The following GRHPR variants were observed in gnomAD, a reference collection of about 807,000 sequenced individuals.
GRHPR encodes glyoxylate reductase/hydroxypyruvate reductase.
GRHPR carries 35 observed loss-of-function variants against 36.8 expected under a neutral mutation model. The observed-to-expected ratio is 0.95, with a 90% confidence interval of 0.73 to 1.26. The LOEUF (loss-of-function observed/expected upper bound fraction) is 1.26, where lower values mean the gene tolerates loss of function less well. Ranked by LOEUF, GRHPR falls within the 50% of genes most tolerant of loss-of-function variation. The pLI, the probability that GRHPR is intolerant of heterozygous loss-of-function variation, is 0.00. For synonymous variants in GRHPR, 179 were observed against 181.0 expected, an observed-to-expected ratio of 0.99 and a Z score of 0.09; for missense variants, 380 against 435.0, an observed-to-expected ratio of 0.87 and a Z score of 1.12.
chr9:37,422,560 A>G (rs1052514752), upstream of GRHPR: 19 of 632,072 alleles, frequency 3.0e-5, no homozygotes, highest in African/African-American at 3.1e-4. Flanking sequence ...GGTCACTGTT[A>G]CTGTCACTCC....
In GRHPR at chr9:37,424,942, G is replaced by T; in HGVS notation, c.181G>T (p.Asp61Tyr). 1 of 1,611,486 alleles carries T rather than the reference G, an allele frequency of 6.2e-7. No homozygotes were observed. Among genetic ancestry groups the T allele is most frequent in the South Asian group, 1.1e-5 (1 of 90,992 alleles). Reference protein sequence around the residue: ...GAHGLLCLLSDHVDKRILDAA... With the variant: ...GAHGLLCLLSYHVDKRILDAA... Reference sequence around the variant, plus strand: ...CCACGGCCTGCTCTGCCTCCTCTCCGACCACGTGGACAAGAGGATCCTGGA... The same window carrying T: ...CCACGGCCTGCTCTGCCTCCTCTCCTACCACGTGGACAAGAGGATCCTGGA... Residue 61 changes from aspartate to tyrosine, a missense_variant, in exon 2 of 9, where the codon GAC (aspartate) becomes TAC (tyrosine). Transcript: ENST00000318158.
At chr9:37,431,884 G>C in intron 7 of GRHPR, 124 bp from the exon 8 acceptor site, 1 of 974,576 alleles carries the variant, frequency 1.0e-6, no homozygotes, top group South Asian at 1.4e-5. Flanking sequence ...GTATACCTAA[G>C]ACTTACTGCT....
At chr9:37,430,450 C>T (rs1459873612) in intron 6 of GRHPR, 61 bp from the exon 7 acceptor site, 4 of 1,485,830 alleles carry the variant, frequency 2.7e-6, no homozygotes, top group Non-Finnish European at 3.8e-6. Context: ...GGCTGGTCTC[C>T]CGCCATCTGG....
intron 8 of GRHPR, chr9:37,434,119 G>A (rs1174998981): frequency 2.5e-6 from 1 of 398,580 alleles, no homozygotes; most frequent in Non-Finnish European, 4.4e-6. Flanking sequence ...GGCAGTCAGG[G>A]CATGAAGCTG....
At chr9:37,429,192 G>T (rs55719746) in intron 5 of GRHPR, 197 of 252,468 alleles carry the variant, frequency 7.8e-4, no homozygotes, top group Admixed American at 1.5e-3. Context: ...CTAGAGAGTT[G>T]CTTGGAGGAA....
chr9:37,434,519 C>A, intron 8 of GRHPR: 1 of 429,056 alleles, frequency 2.3e-6, no homozygotes, highest in Non-Finnish European at 4.3e-6. Flanking sequence ...GAAAAGCCCG[C>A]AGAACATGTA....
At chr9:37,430,674 G>T in intron 7 of GRHPR, 28 bp downstream of exon 7, 2 of 1,608,084 alleles carry the variant, frequency 1.2e-6, no homozygotes, top group South Asian at 1.1e-5. Flanking sequence ...TACCCAGCAA[G>T]CCTGGAGAGG....
intron 7 of GRHPR, 78 bp downstream of exon 7, chr9:37,430,724 G>A (rs571317718): frequency 4.4e-5 from 61 of 1,400,886 alleles, no homozygotes; most frequent in Middle Eastern, 1.8e-4. Flanking sequence ...TTTCTTCCCC[G>A]TGGGTTGTTG....
In GRHPR at chr9:37,424,828, C is replaced by G; in HGVS notation, c.84-17C>G. 6.2e-7 allele frequency: 1 copy of G among 1,611,806 alleles called. No homozygotes were observed. Among genetic ancestry groups the G allele is most frequent in the Non-Finnish European group, 8.5e-7 (1 of 1,179,540 alleles). On this transcript the variant is annotated splice_polypyrimidine_tract_variant and intron_variant, in intron 1 of 8. Coordinates refer to ENST00000318158, the MANE Select transcript of GRHPR (RefSeq NM_012203.2). ...GTGCGGCTCCTGCTTCTCCTGAGGG[C>G]CTCCCTTTCCCCGCAGCTGTGAGGT... is the stretch of plus-strand genomic sequence containing the variant.
At chr9:37,429,489 GCCAGTCACAGC>G (rs1340111598) in intron 5 of GRHPR, 3 of 568,584 alleles carry the variant, frequency 5.3e-6, no homozygotes, top group Non-Finnish European at 9.6e-6. Flanking sequence ...GACAGCATCA[GCCAGTCACAGC>G]CTCAGGGGAG....
In GRHPR at chr9:37,424,841, G is replaced by C; in HGVS notation, c.84-4G>C. 6.2e-7 allele frequency: 1 copy of C among 1,612,918 alleles called. No individual in the cohort carries two copies. Among genetic ancestry groups the C allele is most frequent in the Non-Finnish European group, 8.5e-7 (1 of 1,179,820 alleles). On this transcript the variant is annotated splice_polypyrimidine_tract_variant and splice_region_variant and intron_variant, in intron 1 of 8. Transcript: ENST00000318158. ...TTCTCCTGAGGGCCTCCCTTTCCCCGCAGCTGTGAGGTGGAGCAGTGGGAC... is the reference window on the plus strand; with the variant it reads ...TTCTCCTGAGGGCCTCCCTTTCCCCCCAGCTGTGAGGTGGAGCAGTGGGAC...
chr9:37,437,183 G>A (rs746005151), downstream of GRHPR, among the ~76,000 whole-genome samples: 63 of 151,998 alleles, frequency 4.1e-4, no homozygotes, highest in Admixed American at 6.5e-4. Context: ...GCAAGATACC[G>A]TTTCCTGCAG....
At chr9:37,431,414 C>G in intron 7 of GRHPR, 1 of 279,610 alleles carries the variant, frequency 3.6e-6, no homozygotes, top group South Asian at 3.6e-5. Context: ...GTACCCAGGA[C>G]AGCCCAGGAC....
At position 37,424,991 on chromosome 9, in the gene GRHPR, G is replaced by A. The variant is rs1823013708; in HGVS notation, c.214+16G>A. ...GATGCTGCAGGTGCACACTGGGTGG[G>A]CAGGGGACTTGAGGGTGGCTTGGCC... On this transcript the variant is annotated intron_variant, in intron 2 of 8. Transcript: ENST00000318158. The A allele has an allele frequency of 4.3e-6, 7 of 1,610,422 alleles. No individual in the cohort carries two copies. The highest frequency in any genetic ancestry group is 5.9e-6 in the Non-Finnish European group (7 of 1,179,224).
chr9:37,425,340 GCCC>G (rs1456220279), intron 2 of GRHPR, among the ~76,000 whole-genome samples: 1 of 152,248 alleles, frequency 6.6e-6, no homozygotes, highest in African/African-American at 2.4e-5. Flanking sequence ...TCAGTGCCAA[GCCC>G]CAGCAGGATG....
chr9:37,437,279 C>CAAAG (rs912004999), downstream of GRHPR, among the ~76,000 whole-genome samples: 179 of 152,264 alleles, frequency 1.2e-3, 2 homozygotes, highest in South Asian at 2.1e-4. Context: ...TTTAAAAATA[C>CAAAG]AAAGAGCATG....
chr9:37,438,488 C>G (rs1205082486), downstream of GRHPR: 2 of 152,398 alleles, frequency 1.3e-5, no homozygotes, highest in African/African-American at 4.8e-5. Context: ...AGAGGCAGGG[C>G]TCCAGCATGT....
chr9:37,427,483 CCAAA>C (rs371857885), intron 4 of GRHPR, among the ~76,000 whole-genome samples: 81 of 152,244 alleles, frequency 5.3e-4, no homozygotes, highest in East Asian at 3.9e-3. Context: ...TTTCTAAAGG[CCAAA>C]CAGTTTTAAA....
Position 37,422,829 on chromosome 9 carries a change from G to A in GRHPR, c.79G>A (p.Ala27Thr). 6.3e-7 allele frequency: 1 copy of A among 1,594,200 alleles called. No individual in the cohort carries two copies. The highest frequency in any genetic ancestry group is 1.7e-5 in the Admixed American group (1 of 58,100). ...GGGTAGGGTCGCGCTCGCCCGGGCG[G>A]CAGAGTAAGAGCCTCGCGCGCCGTG... is the stretch of plus-strand genomic sequence containing the variant. The part of the protein sequence containing the change: ...AEGRVALARA[A>T]DCEVEQWDSD... Residue 27 changes from alanine (A) to threonine (T), a missense_variant, in exon 1 of 9, where the codon GCA becomes ACA. Physicochemically the swap from Ala to Thr is moderately conservative, Grantham distance 58 (BLOSUM62 0). Transcript: ENST00000318158.
Sources: gnomAD v4.1 joint callset for allele counts (sites outside exome capture counted in the v4.1 genomes callset) on GRCh38, gnomAD v4.1.1 for gene constraint, MANE v1.5 for transcripts, NCBI Gene and HGNC (gene_info 2026-07-23, HGNC 2026-07-21) for gene names.